The following RBFOX3 variants were observed in gnomAD, a reference collection of about 807,000 sequenced individuals.
RBFOX3 encodes the protein RNA binding fox-1 homolog 3.
A neutral mutation model predicts 48.7 loss-of-function variants in RBFOX3; 17 were observed. The ratio of observed to expected loss-of-function variants is 0.35; its 90% CI spans 0.24 to 0.52. The LOEUF is 0.52. Among genes scored for constraint, RBFOX3 ranks in the 20% least tolerant of loss-of-function variants. The probability of loss-of-function intolerance (pLI) is 0.94; values close to 1 mark genes in which losing one functional copy is unlikely to be tolerated. For missense variants in RBFOX3, 382 were observed against 497.5 expected (o/e 0.77, Z 2.21); for synonymous variants, 212 against 209.5 (o/e 1.01, Z -0.10).
chr17:79,625,940 G>T, the RBFOX3 span, among the ~76,000 whole-genome samples: 3 of 152,254 alleles, frequency 2.0e-5, no homozygotes, highest in African/African-American at 7.2e-5. Context: ...AACTTTGAGA[G>T]CGAGGGGGTT....
chr17:79,532,507 C>A (rs1477846687), intron 1 of RBFOX3, among the ~76,000 whole-genome samples: 1 of 152,210 alleles, frequency 6.6e-6, no homozygotes, highest in Non-Finnish European at 1.5e-5. Flanking sequence ...GGTGAGTGGA[C>A]TGGGCAGGGG....
In RBFOX3 at chr17:79,480,538, C is replaced by T. The variant is rs2078628762; in HGVS notation, c.-175+1916G>A. Among the ~76,000 whole-genome samples the T allele has an allele frequency of 6.6e-6, 1 of 152,214 alleles. No homozygotes were observed. The highest frequency in any genetic ancestry group is 2.4e-5 in the African/African-American group (1 of 41,452). ...GTCCTCAGTCCCAACCTAAAGGCCT[C>T]TGCATCCAGCCCTGGACCCTCTTCG... On this transcript the variant is annotated intron_variant, in intron 2 of 14. Transcript: ENST00000693108. This position sits in a 1 kb window ranked among gnomAD's most constrained non-coding sequence, Gnocchi z 4.8.
At position 79,482,210 on chromosome 17, in the gene RBFOX3, A is replaced by T. The variant is rs1001491211; in HGVS notation, c.-175+244T>A. 2.0e-5 allele frequency among the ~76,000 whole-genome samples: 3 copies of T among 150,328 alleles called. No individual in the cohort carries two copies. Among genetic ancestry groups the T allele is most frequent in the Non-Finnish European group, 4.4e-5 (3 of 67,520 alleles). ...GACTAACTGCCCCGCAGCCAGGCTG[A>T]TGGGCTTCGAGGTACAAAGAGCGGT... On this transcript the variant is annotated intron_variant, in intron 2 of 14. Transcript: ENST00000693108. The surrounding 1 kb of genome is among the most constrained non-coding windows in gnomAD (Gnocchi z 4.1).
At chr17:79,196,865 A>G (rs2055696212) in intron 4 of RBFOX3, among the ~76,000 whole-genome samples, 1 of 152,202 alleles carries the variant, frequency 6.6e-6, no homozygotes, top group Non-Finnish European at 1.5e-5. Context: ...ATTATGCTCA[A>G]ACTGGTTTGC....
chr17:79,340,266 T>C (rs556507764), intron 2 of RBFOX3, among the ~76,000 whole-genome samples: 2 of 146,710 alleles, frequency 1.4e-5, no homozygotes, highest in South Asian at 4.4e-4. Flanking sequence ...ACCATTGCAC[T>C]CCAGCCTGGG....
intron 1 of RBFOX3, among the ~76,000 whole-genome samples, chr17:79,504,631 C>T (rs2082835030): frequency 6.6e-6 from 1 of 152,174 alleles, no homozygotes; most frequent in Non-Finnish European, 1.5e-5. Context: ...GGTCACATGG[C>T]CTTCTCTTTT....
chr17:79,321,899 T>G (rs1010645109), intron 2 of RBFOX3, among the ~76,000 whole-genome samples: 2 of 151,940 alleles, frequency 1.3e-5, no homozygotes, highest in African/African-American at 4.8e-5. Flanking sequence ...ACAGATGGGG[T>G]TTCACCATGT....
At chr17:79,216,275 T>C (rs2606192) in intron 4 of RBFOX3, among the ~76,000 whole-genome samples, 151,253 of 152,358 alleles carry the variant, frequency 0.99, 75,082 homozygotes, top group Middle Eastern at 1. Context: ...TGAGAGCCAC[T>C]GTGGTCTCTG....
intron 4 of RBFOX3, among the ~76,000 whole-genome samples, chr17:79,144,657 C>T (rs529113683): frequency 1.3e-5 from 2 of 152,336 alleles, no homozygotes; most frequent in Middle Eastern, 3.4e-3. Flanking sequence ...CCTGGGACCA[C>T]GGTTCCAATC....
chr17:79,298,417 A>G (rs1229853718), intron 3 of RBFOX3: 1 of 152,222 alleles, frequency 6.6e-6, no homozygotes, highest in African/African-American at 2.4e-5. Context: ...CCGGGAGAGG[A>G]CACCTGGATT....
At chr17:79,221,888 T>TG (rs2059772724) in intron 4 of RBFOX3, among the ~76,000 whole-genome samples, 1 of 152,132 alleles carries the variant, frequency 6.6e-6, no homozygotes, top group South Asian at 2.1e-4. Flanking sequence ...CATGGATGCC[T>TG]GGCAGGAGCG....
chr17:79,158,904 G>A lies in RBFOX3; in HGVS notation c.-33-43156C>T, dbSNP rs1272230885. ...GGGACTCCCAGAGATGGACTCTCAC[G>A]GCTTCCAGGGGTGCAAAGGAAGGAC... On this transcript the variant is annotated intron_variant, in intron 4 of 14. Coordinates refer to ENST00000693108, the MANE Select transcript of RBFOX3 (RefSeq NM_001350451.2). 4.6e-5 allele frequency among the ~76,000 whole-genome samples: 7 copies of A among 152,280 alleles called. No homozygotes were observed. The East Asian group carries it at 1.2e-3, about 25-fold the overall frequency.
At chr17:79,191,138 G>A (rs540285383) in intron 4 of RBFOX3, among the ~76,000 whole-genome samples, 13 of 152,208 alleles carry the variant, frequency 8.5e-5, no homozygotes, top group Non-Finnish European at 1.6e-4. Context: ...GCAGTGAAGT[G>A]GCTGGGTGCT....
intron 2 of RBFOX3, among the ~76,000 whole-genome samples, chr17:79,315,731 G>A (rs1334411033): frequency 2.0e-5 from 3 of 152,256 alleles, no homozygotes; most frequent in East Asian, 1.9e-4. Context: ...GCGTTTCTGC[G>A]GGCTGCCGCC....
At chr17:79,516,885 G>C (rs2085317816) in intron 1 of RBFOX3, among the ~76,000 whole-genome samples, 1 of 152,140 alleles carries the variant, frequency 6.6e-6, no homozygotes, top group Non-Finnish European at 1.5e-5. Flanking sequence ...AGACACAAAA[G>C]GTCGGATGTC....
rs35503174 is a variant in RBFOX3, at chr17:79,482,880, C to T, written c.-319-282G>A. Among the ~76,000 whole-genome samples, 43,260 of 151,640 alleles carry T rather than the reference C, an allele frequency of 0.29. 7,638 individuals carry two copies. Among genetic ancestry groups the T allele is most frequent in the Non-Finnish European group, 0.39 (26,495 of 67,828 alleles). ...ATCCCAGGGTCCGCCCCTCTCCCAGCCCGCTTGCAATGGTCCCCCAATCCC... is the reference window on the plus strand; with the variant it reads ...ATCCCAGGGTCCGCCCCTCTCCCAGTCCGCTTGCAATGGTCCCCCAATCCC... On this transcript the variant is annotated intron_variant, in intron 1 of 14. Transcript: ENST00000693108. The surrounding 1 kb of genome is among the most constrained non-coding windows in gnomAD (Gnocchi z 4.1).
At chr17:79,097,830 C>A in intron 9 of RBFOX3, 85 bp from the exon 10 acceptor site, 1 of 1,408,642 alleles carries the variant, frequency 7.1e-7, no homozygotes, top group Admixed American at 2.0e-5. Flanking sequence ...CCAGCGACAC[C>A]GGTGGAGCCC....
In RBFOX3 at chr17:79,199,796, C is replaced by T. The variant is rs552748987; in HGVS notation, c.-34+35970G>A. On this transcript the variant is annotated intron_variant, in intron 4 of 14. Transcript: ENST00000693108. This position sits in a 1 kb window ranked among gnomAD's most constrained non-coding sequence, Gnocchi z 5.1. Reference sequence around the variant, plus strand: ...AACAAACCCACCCTGATGCTCCAGTCTGTCAGGAGAGTGTCTATTCTACAG... The same window carrying T: ...AACAAACCCACCCTGATGCTCCAGTTTGTCAGGAGAGTGTCTATTCTACAG... Among the ~76,000 whole-genome samples the T allele has an allele frequency of 3.9e-5, 6 of 152,306 alleles. No individual in the cohort carries two copies. In the South Asian group the frequency reaches 8.3e-4, roughly 21 times the overall value.
chr17:79,332,067 C>T (rs562297153), intron 2 of RBFOX3, among the ~76,000 whole-genome samples: 52 of 152,314 alleles, frequency 3.4e-4, no homozygotes, highest in Non-Finnish European at 5.0e-4. Context: ...CCAGGGCTCC[C>T]GGCAGGTCTG....
Sources: gnomAD v4.1 joint callset for allele counts (sites outside exome capture counted in the v4.1 genomes callset) on GRCh38, gnomAD v4.1.1 for gene constraint, Gnocchi (gnomAD v3.1) non-coding constraint, MANE v1.5 for transcripts, NCBI Gene and HGNC (gene_info 2026-07-23, HGNC 2026-07-21) for gene names.